The following ARHGAP26 variants were observed in gnomAD, a reference collection of about 807,000 sequenced individuals.
The protein encoded by ARHGAP26 is Rho GTPase activating protein 26.
Under a neutral mutation model 104.8 loss-of-function variants are expected in ARHGAP26, and 38 were observed. That is an observed-to-expected ratio of 0.36 (90% confidence interval 0.28 to 0.48). ARHGAP26 has a LOEUF of 0.48. Among genes scored for constraint, ARHGAP26 ranks in the 20% least tolerant of loss-of-function variants. The pLI is 0.99. For missense variants in ARHGAP26, 704 were observed against 947.9 expected (o/e 0.74, Z 3.38); for synonymous variants, 341 against 340.0 (o/e 1.00, Z -0.03).
At chr5:142,790,036 G>T (rs760312489) in intron 1 of ARHGAP26, among the ~76,000 whole-genome samples, 4 of 152,176 alleles carry the variant, frequency 2.6e-5, no homozygotes, top group Admixed American at 6.5e-5. Flanking sequence ...AATGTTTATT[G>T]TACTCTAGCT....
At chr5:143,056,124 T>C in intron 16 of ARHGAP26, 38 bp downstream of exon 16, 3 of 1,544,320 alleles carry the variant, frequency 1.9e-6, no homozygotes, top group Middle Eastern at 1.7e-4. Flanking sequence ...GGGAAGAGAA[T>C]AGATTTTTCT....
rs1400314205 is a variant in ARHGAP26 at position 143,213,926 on chromosome 5, G to A, written c.2100-71G>A. The A allele has an allele frequency of 5.8e-6, 6 of 1,036,356 alleles. No individual in the cohort carries two copies. In the Admixed American group the frequency reaches 8.3e-5, roughly 14 times the overall value. The allele number at this position is 1,036,356 out of a possible 1,614,324, so 64.2% of individuals were successfully genotyped here. ...GGTAGCTTACAGGGAAAGGGAAGAA[G>A]AGAGATGAAATGTCTGGGGCTTTCT... On this transcript the variant is annotated intron_variant, in intron 21 of 22. Transcript: ENST00000645722.
chr5:143,058,125 G>A, intron 17 of ARHGAP26: 1 of 452,328 alleles, frequency 2.2e-6, no homozygotes, highest in Non-Finnish European at 4.4e-6. Flanking sequence ...TGGGTTTACA[G>A]AATTTGGGTT....
chr5:142,793,272 TTTA>T (rs1409788523), intron 1 of ARHGAP26, among the ~76,000 whole-genome samples: 1 of 151,100 alleles, frequency 6.6e-6, no homozygotes, highest in East Asian at 1.9e-4. Flanking sequence ...TTTTTTTTTT[TTTA>T]ATCTATCTTT....
At chr5:142,979,299 C>T (rs925404113) in intron 11 of ARHGAP26, among the ~76,000 whole-genome samples, 5 of 152,206 alleles carry the variant, frequency 3.3e-5, no homozygotes, top group African/African-American at 1.2e-4. Context: ...TGTTTCTCTC[C>T]TCTCTATATC....
intron 12 of ARHGAP26, among the ~76,000 whole-genome samples, chr5:143,033,152 A>G (rs929862977): frequency 6.6e-6 from 1 of 152,264 alleles, no homozygotes; most frequent in Non-Finnish European, 1.5e-5. Flanking sequence ...ATTTGAACTT[A>G]GACAACTAAG....
chr5:142,844,841 T>G, intron 1 of ARHGAP26, among the ~76,000 whole-genome samples: 1 of 144,114 alleles, frequency 6.9e-6, no homozygotes, highest in Non-Finnish European at 1.5e-5. Flanking sequence ...GACAACAGAG[T>G]GAGACTGCGT....
intron 10 of ARHGAP26, among the ~76,000 whole-genome samples, chr5:142,925,459 A>C (rs559075235): frequency 6.6e-6 from 1 of 152,212 alleles, no homozygotes; most frequent in Admixed American, 6.5e-5. Flanking sequence ...CTGTAATCTC[A>C]TAAACAGACA....
chr5:142,967,133 A>G (rs1771500930), intron 11 of ARHGAP26, among the ~76,000 whole-genome samples: 1 of 152,170 alleles, frequency 6.6e-6, no homozygotes, highest in Admixed American at 6.5e-5. Flanking sequence ...TTAAGGTGTT[A>G]TTCTTAATGT....
intron 11 of ARHGAP26, among the ~76,000 whole-genome samples, chr5:142,962,455 A>G (rs1770415146): frequency 1.3e-5 from 2 of 152,192 alleles, no homozygotes; most frequent in Admixed American, 6.5e-5. Context: ...TTTATGCCCC[A>G]TTTCTAGATC....
At chr5:143,084,207 T>G (rs1790217446) in intron 17 of ARHGAP26, among the ~76,000 whole-genome samples, 1 of 152,220 alleles carries the variant, frequency 6.6e-6, no homozygotes, top group Admixed American at 6.5e-5. Flanking sequence ...GTGGTCACAG[T>G]ATTCCCTGCC....
intron 17 of ARHGAP26, among the ~76,000 whole-genome samples, chr5:143,061,880 T>C (rs1786763962): frequency 6.6e-6 from 1 of 152,224 alleles, no homozygotes; most frequent in African/African-American, 2.4e-5. Context: ...TCTGAGTCCC[T>C]TTTTAAGGGC....
chr5:142,852,782 G>T (rs1751743100), intron 1 of ARHGAP26, among the ~76,000 whole-genome samples: 1 of 152,172 alleles, frequency 6.6e-6, no homozygotes, highest in Admixed American at 6.5e-5. Flanking sequence ...TCAGTAAGTT[G>T]GTGACTTACT....
intron 10 of ARHGAP26, among the ~76,000 whole-genome samples, chr5:142,924,752 A>G (rs1201172010): frequency 6.6e-6 from 1 of 152,226 alleles, no homozygotes; most frequent in Non-Finnish European, 1.5e-5. Flanking sequence ...GCAGATTCAT[A>G]TGTTCTGTCT....
Position 143,134,030 on chromosome 5 carries a change from A to T in ARHGAP26, c.1762A>T (p.Ser588Cys), listed in dbSNP as rs1231299447. ...CCAGCTGCACCTGTCTCGGAAGAAGAGCAGTGACTCCAAGCCCCCGTCCTG... is the reference window on the plus strand; with the variant it reads ...CCAGCTGCACCTGTCTCGGAAGAAGTGCAGTGACTCCAAGCCCCCGTCCTG... ...NAQLHLSRKK[S>C]SDSKPPSCSE... is the part of the protein sequence containing the mutation. Residue 588 changes from serine (S) to cysteine (C), a missense_variant, in exon 19 of 23, where the codon AGC becomes TGC. Physicochemically the swap from Ser to Cys is moderately radical, Grantham distance 112. This residue lies in a region of ARHGAP26 where 217 missense variants were observed against 242.6 expected (regional missense o/e 0.89). Transcript: ENST00000645722. The T allele has an allele frequency of 6.2e-7, 1 of 1,613,278 alleles. No homozygotes were observed. Among genetic ancestry groups the T allele is most frequent in the Admixed American group, 1.7e-5 (1 of 59,922 alleles).
intron 7 of ARHGAP26, 95 bp from the exon 8 acceptor site, chr5:142,903,445 T>C (rs1411292567): frequency 1.5e-6 from 2 of 1,374,846 alleles, no homozygotes; most frequent in Non-Finnish European, 9.9e-7. Flanking sequence ...ATGTCCTTTA[T>C]CTCATTTTAG....
At chr5:143,114,992 G>A (rs1795242279) in intron 17 of ARHGAP26, among the ~76,000 whole-genome samples, 1 of 152,130 alleles carries the variant, frequency 6.6e-6, no homozygotes, top group Non-Finnish European at 1.5e-5. Context: ...CTCCATGTGA[G>A]GCTCTCAGCC....
intron 17 of ARHGAP26, among the ~76,000 whole-genome samples, chr5:143,082,009 CAAAAAAAA>C (rs71576162): frequency 2.6e-5 from 1 of 38,278 alleles, no homozygotes; most frequent in African/African-American, 9.3e-5. Flanking sequence ...GACTCCATCT[CAAAAAAAA>C]AAAAAAAAAA....
At chr5:143,141,991 G>C (rs1798592447) in intron 19 of ARHGAP26, among the ~76,000 whole-genome samples, 1 of 152,084 alleles carries the variant, frequency 6.6e-6, no homozygotes, top group African/African-American at 2.4e-5. Context: ...GCAAAGAAAA[G>C]GGTTATTACA....
Sources: gnomAD v4.1 joint callset for allele counts (sites outside exome capture counted in the v4.1 genomes callset) on GRCh38, gnomAD v4.1.1 for gene constraint, gnomAD v4.1.1 regional missense constraint, MANE v1.5 for transcripts, NCBI Gene and HGNC (gene_info 2026-07-23, HGNC 2026-07-21) for gene names.